PCDHGA3: variants seen among roughly 807,000 people sequenced by gnomAD.
PCDHGA3 encodes protocadherin gamma subfamily A, 3.
Under a neutral mutation model 58.5 loss-of-function variants are expected in PCDHGA3, and 40 were observed. The ratio of observed to expected loss-of-function variants is 0.68; its 90% CI spans 0.53 to 0.89. PCDHGA3 has a LOEUF of 0.89. Among genes scored for constraint, PCDHGA3 ranks in the 40% least tolerant of loss-of-function variants. The pLI is 0.00. For synonymous variants in PCDHGA3, 530 were observed against 525.7 expected, an observed-to-expected ratio of 1.01 and a Z score of -0.11; for missense variants, 1,223 against 1,195.9, an observed-to-expected ratio of 1.02 and a Z score of -0.33.
At position 141,355,337 on chromosome 5, in the gene PCDHGA3, G is replaced by A. The variant is rs368596451; in HGVS notation, c.2424+8880G>A. 5.6e-6 allele frequency: 9 copies of A among 1,613,898 alleles called. No homozygotes were observed. The African/African-American group carries it at 1.1e-4, about 19-fold the overall frequency. ...GAGCAGGAAGAAGGCTCAGTGGTGG[G>A]CAACATCGCCAAGGACCTGGGGTTG... On this transcript the variant is annotated intron_variant, in intron 1 of 3. Transcript: ENST00000253812.
intron 1 of PCDHGA3, among the ~76,000 whole-genome samples, chr5:141,450,888 G>A (rs1038570371): frequency 6.9e-5 from 10 of 145,278 alleles, no homozygotes; most frequent in Admixed American, 4.1e-4. Context: ...GCAGTGGTGC[G>A]ATATCGGCTC....
intron 3 of PCDHGA3, chr5:141,508,127 G>A (rs1220643878): frequency 6.6e-6 from 1 of 152,628 alleles, no homozygotes; most frequent in Non-Finnish European, 1.5e-5. Context: ...ACAGAGGGAG[G>A]TCAGGGAGCT....
intron 1 of PCDHGA3, chr5:141,433,178 A>G: frequency 6.2e-7 from 1 of 1,608,316 alleles, no homozygotes. Context: ...TCATGGGTTA[A>G]TTGAGGTGAG....
At chr5:141,451,036 G>T (rs973806381) in intron 1 of PCDHGA3, among the ~76,000 whole-genome samples, 1 of 150,880 alleles carries the variant, frequency 6.6e-6, no homozygotes, top group Non-Finnish European at 1.5e-5. Flanking sequence ...CACCATATTG[G>T]CCAGGCTGGT....
At chr5:141,365,344 G>C (rs1449148775) in intron 1 of PCDHGA3, 1 of 1,613,966 alleles carries the variant, frequency 6.2e-7, no homozygotes, top group Non-Finnish European at 8.5e-7. Context: ...TCACAGTACA[G>C]GACGTGAATG....
At chr5:141,383,515 C>A (rs749503295) in intron 1 of PCDHGA3, 4 of 1,612,348 alleles carry the variant, frequency 2.5e-6, no homozygotes, top group Admixed American at 1.7e-5. Context: ...GGAGGAAGAG[C>A]GGGTTCACCA....
intron 1 of PCDHGA3, chr5:141,393,148 A>AT: frequency 6.2e-7 from 1 of 1,613,332 alleles, no homozygotes; most frequent in Non-Finnish European, 8.5e-7. Context: ...CTGGTTGAGG[A>AT]TAAAGGAAAA....
chr5:141,432,746 G>T lies in PCDHGA3; in HGVS notation c.2425-62061G>T, dbSNP rs772043134. The T allele has an allele frequency of 6.2e-7, 1 of 1,614,098 alleles. No individual in the cohort carries two copies. Among genetic ancestry groups the T allele is most frequent in the Non-Finnish European group, 8.5e-7 (1 of 1,179,992 alleles). Reference sequence around the variant, plus strand: ...CTCCGCCACTGTCACGCTCACCGTGGCCGTGGCCGACAGCATCCCCCAAGT... The same window carrying T: ...CTCCGCCACTGTCACGCTCACCGTGTCCGTGGCCGACAGCATCCCCCAAGT... On this transcript the variant is annotated intron_variant, in intron 1 of 3. Transcript: ENST00000253812. This position sits in a 1 kb window ranked among gnomAD's most constrained non-coding sequence, Gnocchi z 6.0.
rs779250544 is a variant in PCDHGA3, at chr5:141,432,639, G to A, written c.2425-62168G>A. The A allele has an allele frequency of 1.2e-6, 2 of 1,613,816 alleles. No homozygotes were observed. Among genetic ancestry groups the A allele is most frequent in the Non-Finnish European group, 1.7e-6 (2 of 1,179,934 alleles). On this transcript the variant is annotated intron_variant, in intron 1 of 3. Coordinates refer to ENST00000253812, the MANE Select transcript of PCDHGA3 (RefSeq NM_018916.4). This position sits in a 1 kb window ranked among gnomAD's most constrained non-coding sequence, Gnocchi z 6.0. Reference sequence around the variant, plus strand: ...GTGGGTCTGCACACGGGCGAGGTGCGCACGGCGCGAGCCCTGCTGGACAGA... The same window carrying A: ...GTGGGTCTGCACACGGGCGAGGTGCACACGGCGCGAGCCCTGCTGGACAGA...
intron 1 of PCDHGA3, chr5:141,389,933 G>T: frequency 1.9e-6 from 3 of 1,614,068 alleles, no homozygotes; most frequent in Non-Finnish European, 2.5e-6. Context: ...CTGACCTCCA[G>T]GCTGAGCTGC....
At chr5:141,365,353 T>A (rs565922694) in intron 1 of PCDHGA3, 17 of 1,613,862 alleles carry the variant, frequency 1.1e-5, no homozygotes, top group Non-Finnish European at 1.4e-5. Flanking sequence ...AGGACGTGAA[T>A]GACAATGCCC....
At chr5:141,387,774 G>C (rs2091089351) in intron 1 of PCDHGA3, 3 of 1,445,206 alleles carry the variant, frequency 2.1e-6, no homozygotes, top group East Asian at 2.5e-5. Context: ...ATTTTTTCTT[G>C]AACTGGAACT....
intron 1 of PCDHGA3, among the ~76,000 whole-genome samples, chr5:141,468,247 C>T (rs925455907): frequency 6.7e-6 from 1 of 149,930 alleles, no homozygotes; most frequent in Non-Finnish European, 1.5e-5. Flanking sequence ...ATTGCCTGAA[C>T]CTGGGAGGCA....
chr5:141,360,274 G>A, intron 1 of PCDHGA3: 1 of 1,613,924 alleles, frequency 6.2e-7, no homozygotes. Flanking sequence ...AAACTCGGTC[G>A]TAGGAAACCT....
intron 1 of PCDHGA3, chr5:141,389,046 G>A: frequency 1.9e-6 from 3 of 1,613,888 alleles, no homozygotes; most frequent in African/African-American, 1.3e-5. Context: ...GGAAGGTGAT[G>A]TTCCATTTAA....
chr5:141,352,654 T>A, intron 1 of PCDHGA3: 2 of 1,597,678 alleles, frequency 1.3e-6, no homozygotes, highest in South Asian at 2.2e-5. Flanking sequence ...CTTATGACCC[T>A]TCTTTGTCTT....
chr5:141,428,381 C>T, intron 1 of PCDHGA3: 1 of 516,406 alleles, frequency 1.9e-6, no homozygotes, highest in Non-Finnish European at 3.6e-6. Context: ...CTGCGATGCT[C>T]TTCCAGCCCC....
At chr5:141,410,846 TGTC>T (rs1025068052) in intron 1 of PCDHGA3, 5 of 423,660 alleles carry the variant, frequency 1.2e-5, no homozygotes, top group South Asian at 4.0e-5. Flanking sequence ...ATTTTGTCTT[TGTC>T]TTTTTTTTTT....
chr5:141,371,319 T>C (rs776468783), intron 1 of PCDHGA3: 27 of 1,613,954 alleles, frequency 1.7e-5, no homozygotes, highest in Non-Finnish European at 2.3e-5. Context: ...AGAACTGGAC[T>C]TTGAAGAGAG....
Sources: allele counts gnomAD v4.1 joint callset (sites outside exome capture counted in the v4.1 genomes callset), GRCh38; gene constraint gnomAD v4.1.1; non-coding constraint Gnocchi (gnomAD v3.1); transcripts MANE v1.5; gene names NCBI Gene and HGNC (gene_info 2026-07-23, HGNC 2026-07-21).